RCAN1: variants seen among roughly 807,000 people sequenced by gnomAD.
RCAN1 encodes the protein regulator of calcineurin 1, also known as calcipressin-1.
A neutral mutation model predicts 22.9 loss-of-function variants in RCAN1; 11 were observed. That is an observed-to-expected ratio of 0.48 (90% CI 0.30 to 0.79). The LOEUF (loss-of-function observed/expected upper bound fraction) is 0.79. RCAN1 is among the 30% of genes least tolerant of loss of function. The probability of loss-of-function intolerance (pLI) is 0.06; values close to 1 mark genes in which losing one functional copy is unlikely to be tolerated. For synonymous variants in RCAN1, 136 were observed against 142.3 expected (o/e 0.96, Z 0.32); for missense variants, 291 against 337.8 (o/e 0.86, Z 1.09).
At chr21:34,560,468 G>C (rs1333429580) in intron 1 of RCAN1, among the ~76,000 whole-genome samples, 3 of 152,156 alleles carry the variant, frequency 2.0e-5, no homozygotes, top group African/African-American at 7.2e-5. Flanking sequence ...CAAGGAGAAA[G>C]AACAGAGGCA....
At chr21:34,535,808 G>C (rs1452367870) in intron 1 of RCAN1, among the ~76,000 whole-genome samples, 1 of 150,494 alleles carries the variant, frequency 6.6e-6, no homozygotes, top group African/African-American at 2.4e-5. Flanking sequence ...TATTCATGTT[G>C]TTAAAGGTGA....
chr21:34,613,701 G>A, intron 1 of RCAN1: 1 of 1,401,450 alleles, frequency 7.1e-7, no homozygotes, highest in South Asian at 1.6e-5. Context: ...TAGAAAGCAT[G>A]CCTGGAAGCT....
rs763747059 is a variant in RCAN1, at chr21:34,518,032, A to G, written c.*52T>C. 5 of 1,600,944 alleles carry G rather than the reference A, an allele frequency of 3.1e-6. No homozygotes were observed. Among genetic ancestry groups the G allele is most frequent in the Admixed American group, 1.7e-5 (1 of 59,310 alleles). ...GTCGTGACCAGCCACCTCCACAGTA[A>G]AAGATTCCTCCCGTGAGTATGATTT... On this transcript the variant is annotated 3_prime_UTR_variant, in exon 4 of 4. Transcript: ENST00000313806. This position sits in a 1 kb window ranked among gnomAD's most constrained non-coding sequence, Gnocchi z 4.2.
At chr21:34,611,221 C>T (rs1434924166) in intron 1 of RCAN1, among the ~76,000 whole-genome samples, 1 of 151,830 alleles carries the variant, frequency 6.6e-6, no homozygotes, top group Non-Finnish European at 1.5e-5. Context: ...AATTGTTTTG[C>T]TTTTCTAAAT....
chr21:34,545,733 C>A (rs1986106911), intron 1 of RCAN1, among the ~76,000 whole-genome samples: 1 of 152,190 alleles, frequency 6.6e-6, no homozygotes, highest in Non-Finnish European at 1.5e-5. Flanking sequence ...CTACAAATGC[C>A]AGCAGCTTTC....
intron 1 of RCAN1, among the ~76,000 whole-genome samples, chr21:34,601,338 C>T (rs1396423048): frequency 1.3e-5 from 2 of 152,144 alleles, no homozygotes; most frequent in African/African-American, 4.8e-5. Flanking sequence ...GAGGTAGGAG[C>T]TTTTATAATC....
At position 34,614,698 on chromosome 21, in the gene RCAN1, C is replaced by A; in HGVS notation, c.252+62G>T. On this transcript the variant is annotated intron_variant, in intron 1 of 3. Coordinates refer to ENST00000313806, the MANE Select transcript of RCAN1 (RefSeq NM_004414.7). The surrounding 1 kb of genome is among the most constrained non-coding windows in gnomAD (Gnocchi z 6.0). ...CGGGACTGGGCGCTGCGACCCGCGC[C>A]GCCTCCTCGGGCAACAAGTGTCCGC... 3.0e-6 allele frequency: 4 copies of A among 1,319,032 alleles called. No individual in the cohort carries two copies. Among genetic ancestry groups the A allele is most frequent in the Non-Finnish European group, 3.9e-6 (4 of 1,031,682 alleles). 81.7% of individuals were successfully genotyped at this position (1,319,032 alleles called of 1,614,324 possible). A position where few individuals can be genotyped will look rare whatever the true frequency, so the allele number is the denominator to read the frequency against.
intron 1 of RCAN1, chr21:34,526,657 C>T (rs758445219): frequency 6.2e-6 from 10 of 1,612,528 alleles, no homozygotes; most frequent in South Asian, 1.1e-5. Context: ...ATATTAGAAG[C>T]CTTACCCTGG....
chr21:34,595,504 A>C (rs956136897), intron 1 of RCAN1, among the ~76,000 whole-genome samples: 6 of 152,250 alleles, frequency 3.9e-5, no homozygotes, highest in Non-Finnish European at 8.8e-5. Context: ...AAGAGTGTAC[A>C]GACCCATCTA....
chr21:34,553,450 G>C (rs1373812924), intron 1 of RCAN1, among the ~76,000 whole-genome samples: 1 of 152,182 alleles, frequency 6.6e-6, no homozygotes, highest in Non-Finnish European at 1.5e-5. Flanking sequence ...ATAGCACACA[G>C]CTCACGCTGG....
chr21:34,538,891 C>T (rs1007525999), intron 1 of RCAN1, among the ~76,000 whole-genome samples: 4 of 152,120 alleles, frequency 2.6e-5, no homozygotes, highest in Admixed American at 6.5e-5. Context: ...ACCAGCTAAC[C>T]GACCAACCCG....
chr21:34,567,304 G>T (rs1987055884), intron 1 of RCAN1, among the ~76,000 whole-genome samples: 1 of 152,138 alleles, frequency 6.6e-6, no homozygotes, highest in African/African-American at 2.4e-5. Flanking sequence ...AGACCATCCA[G>T]GCTAACATGG....
intron 1 of RCAN1, among the ~76,000 whole-genome samples, chr21:34,586,248 A>C (rs933329675): frequency 2.6e-5 from 4 of 152,244 alleles, no homozygotes; most frequent in African/African-American, 9.6e-5. Flanking sequence ...GTTGTTAAGA[A>C]GGCATATTTT....
chr21:34,542,495 T>C lies in RCAN1; in HGVS notation c.253-18785A>G, dbSNP rs576193326. On this transcript the variant is annotated intron_variant, in intron 1 of 3. Coordinates refer to ENST00000313806, the MANE Select transcript of RCAN1 (RefSeq NM_004414.7). ...TCTGGCTGAGCTCCTCACTGGCAGC[T>C]GGTATTTTTGCCAGCTATATAAGTG... Among the ~76,000 whole-genome samples, 83 of 152,222 alleles carry C rather than the reference T, an allele frequency of 5.5e-4. 1 individual carries two copies. In the South Asian group the frequency reaches 0.017, roughly 32 times the overall value.
chr21:34,571,660 A>G (rs900267438), intron 1 of RCAN1, among the ~76,000 whole-genome samples: 3 of 152,122 alleles, frequency 2.0e-5, no homozygotes, highest in Admixed American at 2.0e-4. Flanking sequence ...GGCTCGGGTG[A>G]TCCTCCCACC....
At chr21:34,586,908 C>A (rs571682583) in intron 1 of RCAN1, among the ~76,000 whole-genome samples, 1 of 151,654 alleles carries the variant, frequency 6.6e-6, no homozygotes, top group Non-Finnish European at 1.5e-5. Context: ...GAGTTGAGAT[C>A]GCACCATTGC....
chr21:34,532,007 C>T (rs1014445751), intron 1 of RCAN1, among the ~76,000 whole-genome samples: 1 of 152,078 alleles, frequency 6.6e-6, no homozygotes, highest in African/African-American at 2.4e-5. Context: ...CCAGGTCTTG[C>T]AGTGGGGGCT....
At chr21:34,593,638 G>A (rs1031179183) in intron 1 of RCAN1, among the ~76,000 whole-genome samples, 1 of 152,346 alleles carries the variant, frequency 6.6e-6, no homozygotes, top group East Asian at 1.9e-4. Context: ...GATAGCAGAC[G>A]TGCCAGCCTG....
chr21:34,581,108 G>A (rs1256995272), intron 1 of RCAN1, among the ~76,000 whole-genome samples: 1 of 152,040 alleles, frequency 6.6e-6, no homozygotes, highest in Non-Finnish European at 1.5e-5. Context: ...GTCTCTACAG[G>A]GAAAACCACT....
Sources: gnomAD v4.1 joint callset for allele counts (sites outside exome capture counted in the v4.1 genomes callset) on GRCh38, gnomAD v4.1.1 for gene constraint, Gnocchi (gnomAD v3.1) non-coding constraint, MANE v1.5 for transcripts, NCBI Gene and HGNC (gene_info 2026-07-23, HGNC 2026-07-21) for gene names.